AMMECR1: variants seen among roughly 807,000 people sequenced by gnomAD.
AMMECR1 encodes AMMECR nuclear protein 1.
A neutral mutation model predicts 22.5 loss-of-function variants in AMMECR1; 3 were observed. The observed-to-expected ratio is 0.13, with a 90% CI of 0.06 to 0.35. AMMECR1 has a LOEUF of 0.35. Among genes scored for constraint, AMMECR1 ranks in the 10% least tolerant of loss-of-function variants. The probability of loss-of-function intolerance (pLI) is 1.00; values close to 1 mark genes in which losing one functional copy is unlikely to be tolerated. For missense variants in AMMECR1, 235 were observed against 278.7 expected (o/e 0.84, Z 1.12); for synonymous variants, 130 against 116.7 (o/e 1.11, Z -0.74).
intron 3 of AMMECR1, among the ~76,000 whole-genome samples, chrX:110,210,931 G>T (rs1428425807): frequency 7.2e-5 from 8 of 111,611 alleles, no homozygotes; most frequent in Non-Finnish European, 1.5e-4. Flanking sequence ...AACTGTGCTG[G>T]CCAGCCCCAC....
At chrX:110,281,105 A>AT (rs747584309) in intron 1 of AMMECR1, among the ~76,000 whole-genome samples, 56 of 112,630 alleles carry the variant, frequency 5.0e-4, no homozygotes, top group African/African-American at 1.7e-3. Flanking sequence ...CTTATGAATC[A>AT]TTTTAATTGG....
At chrX:110,343,787 G>T (rs1275133936) in intron 2 of AMMECR1, among the ~76,000 whole-genome samples, 1 of 110,430 alleles carries the variant, frequency 9.1e-6, no homozygotes, top group African/African-American at 3.3e-5. Flanking sequence ...AACTTACAAG[G>T]GATGTGAAGG....
intron 1 of AMMECR1, among the ~76,000 whole-genome samples, chrX:110,439,708 A>G (rs1050734195): frequency 3.6e-5 from 4 of 111,069 alleles, no homozygotes; most frequent in Non-Finnish European, 7.5e-5. Flanking sequence ...ACGAACAGGC[A>G]TTTTCATTTT....
chrX:110,286,663 C>A (rs1297624837), intron 1 of AMMECR1, among the ~76,000 whole-genome samples: 5 of 103,433 alleles, frequency 4.8e-5, no homozygotes, highest in South Asian at 4.7e-4. Context: ...CAGAGTGAGA[C>A]CCTGTCTCAA....
intron 2 of AMMECR1, among the ~76,000 whole-genome samples, chrX:110,351,435 C>CTTA (rs1230883759): frequency 8.9e-6 from 1 of 112,159 alleles, no homozygotes; most frequent in Non-Finnish European, 1.9e-5. Flanking sequence ...GAGATAAACT[C>CTTA]TTACATTTAT....
chrX:110,399,942 A>G (rs1412418549), intron 2 of AMMECR1, among the ~76,000 whole-genome samples: 4 of 111,972 alleles, frequency 3.6e-5, no homozygotes, highest in African/African-American at 1.3e-4. Flanking sequence ...ATGAGATACA[A>G]CATTTTAAAG....
chrX:110,232,085 T>C (rs780357958), intron 2 of AMMECR1, among the ~76,000 whole-genome samples: 6 of 110,501 alleles, frequency 5.4e-5, no homozygotes, highest in African/African-American at 2.0e-4. Flanking sequence ...TAACACCCCA[T>C]TGTCAATATT....
Position 110,413,283 on chromosome X carries a change from A to T in AMMECR1, c.-148+13375T>A, listed in dbSNP as rs753091934. Among the ~76,000 whole-genome samples, 6 of 111,246 alleles carry T rather than the reference A, an allele frequency of 5.4e-5. No homozygotes were observed. The South Asian group carries it at 1.5e-3, about 28-fold the overall frequency. On this transcript the variant is annotated intron_variant, in intron 2 of 7. Coordinates refer to the AMMECR1 transcript ENST00000372057. ...CCGGGCCTGGAAGTGCTGAAACCTG[A>T]GTCTCCACGGCGGATCTCACGGCTT...
At chrX:110,291,583 G>A (rs947169694) in intron 1 of AMMECR1, among the ~76,000 whole-genome samples, 4 of 111,078 alleles carry the variant, frequency 3.6e-5, no homozygotes, top group Non-Finnish European at 1.9e-5. Context: ...AGGTGATGAC[G>A]GTTACAGGTA....
At chrX:110,382,102 C>T (rs1261948025) in intron 2 of AMMECR1, among the ~76,000 whole-genome samples, 1 of 111,847 alleles carries the variant, frequency 8.9e-6, no homozygotes, top group African/African-American at 3.3e-5. Context: ...AAAATTCTTT[C>T]CTAAGAATTC....
chrX:110,438,899 C>T (rs1488655781), intron 1 of AMMECR1, among the ~76,000 whole-genome samples: 1 of 112,139 alleles, frequency 8.9e-6, no homozygotes, highest in Non-Finnish European at 1.9e-5. Flanking sequence ...TGCTTGCCTT[C>T]TTTTATTCTT....
chrX:110,370,915 T>C (rs1457248167), intron 2 of AMMECR1, among the ~76,000 whole-genome samples: 3 of 112,407 alleles, frequency 2.7e-5, no homozygotes, highest in Admixed American at 1.9e-4. Flanking sequence ...TCACATCTTC[T>C]GCACTCTATC....
chrX:110,424,741 T>A (rs913724238), intron 2 of AMMECR1, among the ~76,000 whole-genome samples: 1 of 111,654 alleles, frequency 9.0e-6, no homozygotes, highest in Non-Finnish European at 1.9e-5. Context: ...TGGGGTTCTG[T>A]AAAATGTTTG....
intron 2 of AMMECR1, among the ~76,000 whole-genome samples, chrX:110,227,670 G>A (rs940166263): frequency 2.7e-5 from 3 of 111,942 alleles, no homozygotes; most frequent in African/African-American, 9.8e-5. Context: ...GGGGGTGGAG[G>A]AAGAGAAGAG....
chrX:110,370,037 G>A (rs753912864), intron 2 of AMMECR1, among the ~76,000 whole-genome samples: 1 of 110,722 alleles, frequency 9.0e-6, no homozygotes, highest in Non-Finnish European at 1.9e-5. Context: ...TATTGAGTCT[G>A]AATCTGCCTT....
intron 2 of AMMECR1, among the ~76,000 whole-genome samples, chrX:110,409,736 G>C (rs557238611): frequency 9.1e-6 from 1 of 110,015 alleles, no homozygotes; most frequent in Non-Finnish European, 1.9e-5. Flanking sequence ...CTAAATATCT[G>C]ACAAAGGAAT....
At chrX:110,413,124 T>C (rs73636965) in intron 2 of AMMECR1, among the ~76,000 whole-genome samples, 11,810 of 110,666 alleles carry the variant, frequency 0.11, 1,507 homozygotes, top group African/African-American at 0.36. Context: ...CTCCCATCCC[T>C]GCCACCCCGA....
chrX:110,263,763 A>C (rs2067753933), intron 2 of AMMECR1, among the ~76,000 whole-genome samples: 1 of 111,859 alleles, frequency 8.9e-6, no homozygotes, highest in Non-Finnish European at 1.9e-5. Flanking sequence ...ATGTGAACAA[A>C]AACAGGAAAT....
At chrX:110,225,092 A>C (rs770458547) in intron 2 of AMMECR1, 1 of 366,717 alleles carries the variant, frequency 2.7e-6, no homozygotes, top group Non-Finnish European at 5.3e-6. Flanking sequence ...TATTCTTATC[A>C]CTAAAAAAAG....
Sources: allele counts gnomAD v4.1 joint callset (sites outside exome capture counted in the v4.1 genomes callset), GRCh38; gene constraint gnomAD v4.1.1; transcripts MANE v1.5; gene names NCBI Gene and HGNC (gene_info 2026-07-23, HGNC 2026-07-21).